Variants in NTM observed in about 807,000 individuals in gnomAD.
NTM encodes neurotrimin.
Under a neutral mutation model 42.1 loss-of-function variants are expected in NTM, and 13 were observed. The observed-to-expected ratio is 0.31, with a 90% CI of 0.20 to 0.49. The LOEUF is 0.49. NTM is among the 20% of genes least tolerant of loss of function. The probability of loss-of-function intolerance (pLI) is 0.99; values close to 1 mark genes in which losing one functional copy is unlikely to be tolerated. For missense variants in NTM, 373 were observed against 452.8 expected (o/e 0.82, Z 1.60); for synonymous variants, 187 against 179.2 (o/e 1.04, Z -0.35).
intron 1 of NTM, among the ~76,000 whole-genome samples, chr11:131,821,122 C>T (rs887340146): frequency 1.3e-5 from 2 of 151,846 alleles, no homozygotes. Context: ...CTGTGTTTGG[C>T]CAGGAAGGCA....
intron 1 of NTM, among the ~76,000 whole-genome samples, chr11:131,670,186 G>C (rs998009157): frequency 6.6e-6 from 1 of 152,042 alleles, no homozygotes; most frequent in Non-Finnish European, 1.5e-5. Context: ...AACAGAAGGC[G>C]CCCCAAAAGC....
intron 4 of NTM, among the ~76,000 whole-genome samples, chr11:132,301,646 G>T (rs1182497735): frequency 6.6e-6 from 1 of 152,206 alleles, no homozygotes; most frequent in Non-Finnish European, 1.5e-5. Flanking sequence ...CTTGAGGTCA[G>T]CCTGGGTTTA....
At chr11:131,668,940 T>C (rs2134600049) in intron 1 of NTM, among the ~76,000 whole-genome samples, 1 of 152,358 alleles carries the variant, frequency 6.6e-6, no homozygotes, top group East Asian at 1.9e-4. Flanking sequence ...GTGAGAACTT[T>C]AGTCCTTGGG....
intron 1 of NTM, among the ~76,000 whole-genome samples, chr11:131,813,717 T>C (rs2136332255): frequency 6.6e-6 from 1 of 152,316 alleles, no homozygotes; most frequent in Non-Finnish European, 1.5e-5. Flanking sequence ...CTACAAATCA[T>C]CTTTTCTTTC....
intron 1 of NTM, among the ~76,000 whole-genome samples, chr11:131,903,576 T>C (rs1355955938): frequency 2.0e-5 from 3 of 152,196 alleles, no homozygotes; most frequent in African/African-American, 4.8e-5. Flanking sequence ...CTGAAGTGGT[T>C]ACCTAGACGA....
At chr11:131,788,241 TCTTA>T (rs1446693917) in intron 1 of NTM, among the ~76,000 whole-genome samples, 1 of 152,122 alleles carries the variant, frequency 6.6e-6, no homozygotes, top group Non-Finnish European at 1.5e-5. Flanking sequence ...TTATCTATCT[TCTTA>T]CTGTTAGTTT....
intron 2 of NTM, among the ~76,000 whole-genome samples, chr11:132,069,661 C>G (rs2057150823): frequency 6.7e-6 from 1 of 149,364 alleles, no homozygotes; most frequent in African/African-American, 2.5e-5. Context: ...GCCAAGTTAA[C>G]ACGTCACACT....
intron 1 of NTM, among the ~76,000 whole-genome samples, chr11:131,590,105 T>C (rs901644206): frequency 1.3e-5 from 2 of 152,220 alleles, no homozygotes; most frequent in South Asian, 4.1e-4. Context: ...ATCTCTTCCC[T>C]GCACCCAGCC....
chr11:131,902,419 A>C (rs1287527253), intron 1 of NTM, among the ~76,000 whole-genome samples: 1 of 152,192 alleles, frequency 6.6e-6, no homozygotes, highest in Non-Finnish European at 1.5e-5. Flanking sequence ...CGGGGCCTGC[A>C]AAGCAAACAG....
At position 131,509,183 on chromosome 11, in the gene NTM, A is replaced by G. The variant is rs143903222; in HGVS notation, c.82+138295A>G. On this transcript the variant is annotated intron_variant, in intron 1 of 8. Coordinates refer to ENST00000683400, the MANE Select transcript of NTM (RefSeq NM_001352005.2). Reference sequence around the variant, plus strand: ...GCCAGCTGATGCTCCTTTCCTCCTCAAGGTCACACTACCTCAGATGGAAAG... The same window carrying G: ...GCCAGCTGATGCTCCTTTCCTCCTCGAGGTCACACTACCTCAGATGGAAAG... Among the ~76,000 whole-genome samples, 607 of 152,262 alleles carry G rather than the reference A, an allele frequency of 4.0e-3. 6 individuals carry two copies. The highest frequency in any genetic ancestry group is 0.014 in the African/African-American group (580 of 41,542).
intron 1 of NTM, chr11:131,774,109 TA>T: frequency 1.0e-6 from 1 of 985,328 alleles, no homozygotes; most frequent in African/African-American, 1.7e-5. Context: ...CCACCAAGCT[TA>T]CAGTACTTAA....
intron 4 of NTM, among the ~76,000 whole-genome samples, chr11:132,272,174 T>C (rs1201954172): frequency 6.6e-6 from 1 of 152,154 alleles, no homozygotes; most frequent in Non-Finnish European, 1.5e-5. Context: ...CCAAAAATCA[T>C]TTGATCATAA....
intron 1 of NTM, chr11:131,535,655 G>A (rs2136716100): frequency 6.6e-6 from 1 of 152,272 alleles, no homozygotes; most frequent in East Asian, 1.9e-4. Flanking sequence ...ACCCCAAGAG[G>A]AGCTTAGCAT....
intron 2 of NTM, among the ~76,000 whole-genome samples, chr11:132,118,884 C>T (rs548187301): frequency 2.0e-5 from 3 of 151,762 alleles, no homozygotes; most frequent in Non-Finnish European, 4.4e-5. Flanking sequence ...TACCATAATG[C>T]AGCTGTGAAA....
rs569052256 is a variant in NTM at position 132,245,464 on chromosome 11, T to G, written c.526+33317T>G. Among the ~76,000 whole-genome samples the G allele has an allele frequency of 5.1e-4, 78 of 152,048 alleles. No homozygotes were observed. The South Asian group carries it at 0.013, about 26-fold the overall frequency. On this transcript the variant is annotated intron_variant, in intron 4 of 8. Coordinates refer to ENST00000683400, the MANE Select transcript of NTM (RefSeq NM_001352005.2). The stretch of plus-strand genomic sequence containing the variant: ...TGAGGGGAGCGTGCACCGGGGAGGC[T>G]GGTTGTCAGGCATAATATTAGAAAG...
intron 1 of NTM, among the ~76,000 whole-genome samples, chr11:131,671,807 C>T (rs2070309294): frequency 1.3e-5 from 2 of 152,298 alleles, no homozygotes; most frequent in African/African-American, 4.8e-5. Context: ...ATGACCTGGA[C>T]GCTGGTGGAG....
rs1004727240 is a variant in NTM, at chr11:132,228,919, C to A, written c.526+16772C>A. ...GGAGCCCCACTGCACTGTTGTCATG[C>A]GGAGAGCAGGAAGGAACCCTAGGAC... On this transcript the variant is annotated intron_variant, in intron 4 of 8. Transcript: ENST00000683400. 2.6e-5 allele frequency among the ~76,000 whole-genome samples: 4 copies of A among 152,098 alleles called. No individual in the cohort carries two copies. The East Asian group carries it at 7.7e-4, about 29-fold the overall frequency.
chr11:131,754,033 C>T (rs1256180176), intron 1 of NTM, among the ~76,000 whole-genome samples: 1 of 146,258 alleles, frequency 6.8e-6, no homozygotes, highest in Admixed American at 7.2e-5. Flanking sequence ...ACTGCAAGGA[C>T]AAAAAACCAA....
intron 4 of NTM, among the ~76,000 whole-genome samples, chr11:132,259,884 G>T (rs893502739): frequency 6.6e-6 from 1 of 151,796 alleles, no homozygotes; most frequent in Non-Finnish European, 1.5e-5. Flanking sequence ...AAGAAGCTGG[G>T]ATTACAGGAG....
Sources: allele counts gnomAD v4.1 joint callset (sites outside exome capture counted in the v4.1 genomes callset), GRCh38; gene constraint gnomAD v4.1.1; transcripts MANE v1.5; gene names NCBI Gene and HGNC (gene_info 2026-07-23, HGNC 2026-07-21).